Variants in SWAP70 observed in about 807,000 individuals in gnomAD.
The protein encoded by SWAP70 is switching B cell complex subunit SWAP70.
A neutral mutation model predicts 80.2 loss-of-function variants in SWAP70; 34 were observed. The observed-to-expected ratio is 0.42, with a 90% CI of 0.32 to 0.56. The LOEUF (loss-of-function observed/expected upper bound fraction) is 0.56. SWAP70 is among the 20% of genes least tolerant of loss of function. The pLI, the probability that SWAP70 is intolerant of heterozygous loss-of-function variation, is 0.09. For synonymous variants in SWAP70, 239 were observed against 238.5 expected (o/e 1.00, Z -0.02); for missense variants, 578 against 690.7 (o/e 0.84, Z 1.83).
Position 9,713,625 on chromosome 11 carries a change from A to C in SWAP70, c.400A>C (p.Ile134Leu). 6.2e-7 allele frequency: 1 copy of C among 1,613,216 alleles called. No individual in the cohort carries two copies. The change falls in exon 3 of 12, where the codon ATT becomes CTT. Residue 134 changes from isoleucine (I) to leucine (L), a missense_variant. Ile to Leu is a conservative substitution (Grantham distance 5). Coordinates refer to ENST00000318950, the MANE Select transcript of SWAP70 (RefSeq NM_015055.4). ...ATCTGAGGACAAGTATCCATTAATT[A>C]TTGTGTCAGAAGAGGTAAGGTGTGG... is the stretch of plus-strand genomic sequence containing the variant. ...FLSEDKYPLI[I>L]VSEEIEYLLK...
intron 8 of SWAP70, 33 bp from the exon 9 acceptor site, chr11:9,740,148 C>A: frequency 6.2e-7 from 1 of 1,600,164 alleles, no homozygotes; most frequent in Non-Finnish European, 8.5e-7. Context: ...AGAAGTCAAC[C>A]TGCATTTAAA....
At chr11:9,725,262 C>A (rs1851193976) in intron 4 of SWAP70, among the ~76,000 whole-genome samples, 1 of 151,176 alleles carries the variant, frequency 6.6e-6, no homozygotes, top group Admixed American at 6.6e-5. Flanking sequence ...ACAGGTGTGA[C>A]CCACTGGGCC....
At chr11:9,731,087 A>G (rs776824769) in intron 6 of SWAP70, among the ~76,000 whole-genome samples, 3 of 152,178 alleles carry the variant, frequency 2.0e-5, no homozygotes, top group Non-Finnish European at 4.4e-5. Context: ...AGCTGCATCC[A>G]TGTTGCTGCA....
At chr11:9,714,970 C>CTTTTTTTT (rs34803928) in intron 3 of SWAP70, among the ~76,000 whole-genome samples, 21 of 110,004 alleles carry the variant, frequency 1.9e-4, no homozygotes, top group African/African-American at 4.8e-4. Flanking sequence ...CCACACCTGC[C>CTTTTTTTT]TTTTTTTTTT....
chr11:9,713,745 G>GTGTTTTTGGAT (rs1851029613), intron 3 of SWAP70, 106 bp downstream of exon 3: 5 of 1,332,738 alleles, frequency 3.8e-6, no homozygotes, highest in Non-Finnish European at 4.1e-6. Context: ...GAGATCCTTG[G>GTGTTTTTGGAT]CTAGTGTTTT....
intron 2 of SWAP70, among the ~76,000 whole-genome samples, chr11:9,704,988 C>G (rs1034099303): frequency 6.6e-6 from 1 of 152,080 alleles, no homozygotes; most frequent in African/African-American, 2.4e-5. Context: ...GTTCTCTCCC[C>G]TTTGTACACA....
chr11:9,695,294 CAG>C lies in SWAP70; in HGVS notation c.240+1010_240+1011del, dbSNP rs1296218715. On this transcript the variant is annotated intron_variant, in intron 2 of 11. Coordinates refer to ENST00000318950, the MANE Select transcript of SWAP70 (RefSeq NM_015055.4). ...GGGCATCAAGAGCGAAAATCCGTGT[CAG>C]AAAAAAAAAAAAATACGTGCACACG... 4.8e-5 allele frequency among the ~76,000 whole-genome samples: 7 copies of C among 146,146 alleles called. 1 individual carries two copies. The highest frequency in any genetic ancestry group is 4.8e-4 in the Admixed American group (7 of 14,630).
Position 9,752,212 on chromosome 11 carries a change from C to T in SWAP70, c.*2242C>T, listed in dbSNP as rs1388149587. 6.6e-6 allele frequency: 1 copy of T among 152,242 alleles called. No homozygotes were observed. Among genetic ancestry groups the T allele is most frequent in the Non-Finnish European group, 1.5e-5 (1 of 68,046 alleles). The allele number at this position is 152,242 out of a possible 1,614,324, so 9.4% of individuals were successfully genotyped here. ...TCTAGAAGTTGTGAAATAGGTCCTG[C>T]ACTTTTGCAGAATGTCCTTCTTTAA... is the stretch of plus-strand genomic sequence containing the variant. On this transcript the variant is annotated 3_prime_UTR_variant, in exon 12 of 12. Coordinates refer to ENST00000318950, the MANE Select transcript of SWAP70 (RefSeq NM_015055.4).
chr11:9,696,654 AT>A (rs1263784204), intron 2 of SWAP70, among the ~76,000 whole-genome samples: 2 of 151,922 alleles, frequency 1.3e-5, no homozygotes, highest in East Asian at 1.9e-4. Context: ...TAAGCAACTT[AT>A]TTTTTTAATT....
At chr11:9,705,380 A>G (rs113733787) in intron 2 of SWAP70, among the ~76,000 whole-genome samples, 3 of 136,722 alleles carry the variant, frequency 2.2e-5, no homozygotes, top group Non-Finnish European at 3.1e-5. Flanking sequence ...TGATCTGTAT[A>G]CACTGGTGAT....
At chr11:9,694,349 AAAGCC>A in intron 2 of SWAP70, 63 bp downstream of exon 2, 1 of 1,508,202 alleles carries the variant, frequency 6.6e-7, no homozygotes. Flanking sequence ...AGTGGGCCCA[AAAGCC>A]CCCTGTTGGT....
chr11:9,747,272 G>C (rs1236100907), intron 9 of SWAP70, among the ~76,000 whole-genome samples: 24 of 152,182 alleles, frequency 1.6e-4, no homozygotes, highest in Non-Finnish European at 1.0e-4. Context: ...GGATTGTCAG[G>C]GGATTAGCAA....
rs1202805126 is a variant in SWAP70, at chr11:9,671,879, A to G, written c.99+7601A>G. Among the ~76,000 whole-genome samples, 6 of 87,104 alleles carry G rather than the reference A, an allele frequency of 6.9e-5. 1 individual carries two copies. The highest frequency in any genetic ancestry group is 2.3e-4 in the African/African-American group (3 of 12,906). 57.1% of individuals were successfully genotyped at this position (87,104 alleles called of 152,430 possible). The stretch of plus-strand genomic sequence containing the variant: ...AATAAATTATATTTATAATTTAAAT[A>G]TAATTTTAATTTAATTTAATTATTA... On this transcript the variant is annotated intron_variant, in intron 1 of 11. Transcript: ENST00000318950.
intron 1 of SWAP70, among the ~76,000 whole-genome samples, chr11:9,671,917 A>G (rs1258680977): frequency 9.1e-6 from 1 of 109,900 alleles, no homozygotes; most frequent in African/African-American, 3.7e-5. Flanking sequence ...TATAATAATT[A>G]TAATATAATT....
In SWAP70 at chr11:9,694,100, G is replaced by A. The variant is rs760679079; in HGVS notation, c.100-46G>A. ...GTTGTACTCATGGTGAAGGTGTCAT[G>A]TGCTGGTTAGTGGGAGTCTTTAAAC... On this transcript the variant is annotated intron_variant, in intron 1 of 11. Transcript: ENST00000318950. 7 of 1,533,540 alleles carry A rather than the reference G, an allele frequency of 4.6e-6. No homozygotes were observed. In the South Asian group the frequency reaches 5.1e-5, roughly 11 times the overall value. The allele number at this position is 1,533,540 out of a possible 1,614,324, so 95.0% of individuals were successfully genotyped here. A position where few individuals can be genotyped will look rare whatever the true frequency, so the allele number is the denominator to read the frequency against.
At chr11:9,708,490 T>C (rs1385779520) in intron 2 of SWAP70, among the ~76,000 whole-genome samples, 1 of 152,226 alleles carries the variant, frequency 6.6e-6, no homozygotes. Flanking sequence ...AAAATTCGCT[T>C]ATTTGTTTTT....
chr11:9,717,221 C>G (rs1441873163), intron 3 of SWAP70, among the ~76,000 whole-genome samples: 1 of 151,976 alleles, frequency 6.6e-6, no homozygotes, highest in Non-Finnish European at 1.5e-5. Context: ...AAATTTTTGT[C>G]CAAGGAAATT....
At chr11:9,681,700 A>G (rs944896165) in intron 1 of SWAP70, among the ~76,000 whole-genome samples, 1 of 152,156 alleles carries the variant, frequency 6.6e-6, no homozygotes, top group African/African-American at 2.4e-5. Flanking sequence ...CAGATGAGCA[A>G]ACTGGCAATT....
chr11:9,714,348 G>A (rs1018166774), intron 3 of SWAP70, among the ~76,000 whole-genome samples: 18 of 152,172 alleles, frequency 1.2e-4, no homozygotes, highest in Non-Finnish European at 2.1e-4. Flanking sequence ...TTTCTCATCT[G>A]TGAAATAAAG....
Sources: gnomAD v4.1 joint callset for allele counts (sites outside exome capture counted in the v4.1 genomes callset) on GRCh38, gnomAD v4.1.1 for gene constraint, MANE v1.5 for transcripts, NCBI Gene and HGNC (gene_info 2026-07-23, HGNC 2026-07-21) for gene names.